Variants in LRRIQ1 observed in about 807,000 individuals in gnomAD.
LRRIQ1 encodes leucine-rich repeat- and IQ domain-containing protein 1.
In LRRIQ1, 210 loss-of-function variants were observed where a neutral mutation model predicts 211.9. The observed-to-expected ratio is 0.99, with a 90% confidence interval of 0.89 to 1.11. The LOEUF (loss-of-function observed/expected upper bound fraction) is 1.11. Among genes scored for constraint, LRRIQ1 ranks in the 50% most tolerant of loss-of-function variants. LRRIQ1 has a pLI of 0.00. For missense variants in LRRIQ1, 2,136 were observed against 1,939.5 expected, an observed-to-expected ratio of 1.10 and a Z score of -1.90; for synonymous variants, 699 against 650.1, an observed-to-expected ratio of 1.08 and a Z score of -1.14.
chr12:85,222,926 C>T (rs1328322133), intron 24 of LRRIQ1, among the ~76,000 whole-genome samples: 10 of 151,846 alleles, frequency 6.6e-5, no homozygotes, highest in Non-Finnish European at 1.0e-4. Flanking sequence ...GTTGCAATGG[C>T]GAAAGAAAGA....
chr12:85,122,794 G>A (rs568863100), intron 16 of LRRIQ1, among the ~76,000 whole-genome samples: 3 of 151,930 alleles, frequency 2.0e-5, no homozygotes, highest in East Asian at 3.9e-4. Flanking sequence ...CAAATACTGC[G>A]ATTATTTACA....
chr12:85,184,478 T>C (rs1303494038), intron 24 of LRRIQ1, among the ~76,000 whole-genome samples: 1 of 152,026 alleles, frequency 6.6e-6, no homozygotes, highest in East Asian at 1.9e-4. Flanking sequence ...TATTTGTCTG[T>C]ATGAGTGTAA....
At chr12:85,233,705 T>G (rs1895055625) in intron 26 of LRRIQ1, among the ~76,000 whole-genome samples, 1 of 152,282 alleles carries the variant, frequency 6.6e-6, no homozygotes, top group South Asian at 2.1e-4. Context: ...TGGAAAATAT[T>G]TTTGGAATCT....
At chr12:85,148,122 C>T (rs1019654849) in intron 19 of LRRIQ1, among the ~76,000 whole-genome samples, 6 of 151,506 alleles carry the variant, frequency 4.0e-5, no homozygotes, top group African/African-American at 7.3e-5. Flanking sequence ...TCCAGATCCT[C>T]GGTTGTAATT....
chr12:85,158,826 A>G (rs1890703534), intron 23 of LRRIQ1, among the ~76,000 whole-genome samples: 1 of 151,752 alleles, frequency 6.6e-6, no homozygotes. Context: ...AAAACGTGTA[A>G]CAAACTATAC....
chr12:85,200,793 T>A (rs1893249607), intron 24 of LRRIQ1, among the ~76,000 whole-genome samples: 1 of 151,908 alleles, frequency 6.6e-6, no homozygotes, highest in African/African-American at 2.4e-5. Context: ...GGATGAAGCC[T>A]ACTTGTTGAT....
At chr12:85,188,560 A>G (rs1027211025) in intron 24 of LRRIQ1, among the ~76,000 whole-genome samples, 1 of 152,202 alleles carries the variant, frequency 6.6e-6, no homozygotes, top group Non-Finnish European at 1.5e-5. Context: ...CAGAGTACTC[A>G]TAAGACTGAC....
intron 24 of LRRIQ1, among the ~76,000 whole-genome samples, chr12:85,225,041 C>T (rs1194766916): frequency 6.6e-6 from 1 of 151,842 alleles, no homozygotes; most frequent in Non-Finnish European, 1.5e-5. Context: ...TTACAGTCAG[C>T]CTCTCATATC....
chr12:85,128,987 T>C (rs969887459), intron 18 of LRRIQ1, among the ~76,000 whole-genome samples: 1 of 152,136 alleles, frequency 6.6e-6, no homozygotes, highest in African/African-American at 2.4e-5. Flanking sequence ...CAATCCAACT[T>C]GTTGCTAGAA....
At chr12:85,063,589 A>G (rs1310715088) in intron 8 of LRRIQ1, among the ~76,000 whole-genome samples, 1 of 151,610 alleles carries the variant, frequency 6.6e-6, no homozygotes, top group Non-Finnish European at 1.5e-5. Flanking sequence ...ATAAATTATT[A>G]TTGACTTTAG....
rs370146439 is a variant in LRRIQ1 at position 85,055,570 on chromosome 12, A to G, written c.777A>G (p.Leu259=). 2.1e-5 allele frequency: 33 copies of G among 1,540,566 alleles called. No individual in the cohort carries two copies. The African/African-American group carries it at 2.9e-4, about 14-fold the overall frequency. ...AGGAGTATATTAGAAACTTGCATTT[A>G]CAAATGGAAGAAGAAAGAACAAGAT... ...QHEEYIRNLH[L]QMEEERTRFK... Residue 259 remains leucine, a synonymous_variant, in exon 8 of 27, where the codon TTA becomes TTG. Coordinates refer to ENST00000393217, the MANE Select transcript of LRRIQ1 (RefSeq NM_001079910.2).
chr12:85,162,721 T>C, intron 24 of LRRIQ1: 1 of 454,732 alleles, frequency 2.2e-6, no homozygotes. Context: ...CACATAAGCT[T>C]TACGATGTGA....
At chr12:85,232,949 G>T in intron 26 of LRRIQ1, 193 bp downstream of exon 26, 1 of 487,254 alleles carries the variant, frequency 2.1e-6, no homozygotes, top group Non-Finnish European at 3.6e-6. Flanking sequence ...ATGTGACATT[G>T]CTTAAAAATG....
chr12:85,130,480 C>G (rs138009910), intron 18 of LRRIQ1, among the ~76,000 whole-genome samples: 1 of 152,268 alleles, frequency 6.6e-6, no homozygotes, highest in African/African-American at 2.4e-5. Flanking sequence ...GGTTCATTAC[C>G]TTATGAAGTA....
intron 24 of LRRIQ1, 59 bp from the exon 25 acceptor site, chr12:85,229,458 G>C: frequency 7.0e-7 from 1 of 1,433,394 alleles, no homozygotes; most frequent in Non-Finnish European, 9.4e-7. Context: ...AGATGGAACT[G>C]GTTGGCCAAA....
downstream of LRRIQ1, among the ~76,000 whole-genome samples, chr12:85,247,658 T>C (rs1895770670): frequency 6.6e-6 from 1 of 151,610 alleles, no homozygotes. Flanking sequence ...GCATATGATA[T>C]ATTGCCTTGG....
chr12:85,169,052 G>T (rs1891286510), intron 24 of LRRIQ1, among the ~76,000 whole-genome samples: 1 of 152,100 alleles, frequency 6.6e-6, no homozygotes. Flanking sequence ...AGCCTCCTTA[G>T]TGTTGCTTAT....
chr12:85,047,291 T>C lies in LRRIQ1; in HGVS notation c.499T>C (p.Cys167Arg). 3 of 1,606,118 alleles carry C rather than the reference T, an allele frequency of 1.9e-6. No individual in the cohort carries two copies. Among genetic ancestry groups the C allele is most frequent in the Non-Finnish European group, 2.5e-6 (3 of 1,178,046 alleles). Residue 167 changes from cysteine to arginine, a missense_variant, in exon 6 of 27, where the codon TGT becomes CGT. Physicochemically the swap from Cys to Arg is radical, Grantham distance 180 (BLOSUM62 -3). Transcript: ENST00000393217. Reference sequence around the variant, plus strand: ...TGGATACTGTGAAGTGGAAGAAAAATGTAGACAGTCTTTTGAGGCTTGGCA... The same window carrying C: ...TGGATACTGTGAAGTGGAAGAAAAACGTAGACAGTCTTTTGAGGCTTGGCA... ...NFGYCEVEEKCRQSFEAWQEK... is the reference protein window; with the variant it reads ...NFGYCEVEEKRRQSFEAWQEK...
At chr12:85,112,287 C>A (rs183532818) in intron 15 of LRRIQ1, among the ~76,000 whole-genome samples, 1 of 150,710 alleles carries the variant, frequency 6.6e-6, no homozygotes, top group East Asian at 1.9e-4. Flanking sequence ...GGGTTTATAC[C>A]CTTGATATTA....
Sources: gnomAD v4.1 joint callset for allele counts (sites outside exome capture counted in the v4.1 genomes callset) on GRCh38, gnomAD v4.1.1 for gene constraint, MANE v1.5 for transcripts, NCBI Gene and HGNC (gene_info 2026-07-23, HGNC 2026-07-21) for gene names.